PCDH15: variants seen among roughly 807,000 people sequenced by gnomAD.
The protein encoded by PCDH15 is protocadherin-15.
In PCDH15, 129 loss-of-function variants were observed where a neutral mutation model predicts 178.5. The observed-to-expected ratio is 0.72, with a 90% CI of 0.63 to 0.84. PCDH15 has a LOEUF of 0.84. PCDH15 is among the 40% of genes least tolerant of loss of function. PCDH15 has a pLI of 0.00. For missense variants in PCDH15, 2,230 were observed against 2,099.9 expected (o/e 1.06, Z -1.21); for synonymous variants, 800 against 732.0 (o/e 1.09, Z -1.50).
chr10:53,995,530 T>C, intron 21 of PCDH15, 119 bp downstream of exon 21: 1 of 1,571,558 alleles, frequency 6.4e-7, no homozygotes, highest in South Asian at 1.1e-5. Context: ...ATAAAATGTA[T>C]GAATAAATAG....
intron 2 of PCDH15, among the ~76,000 whole-genome samples, chr10:55,045,966 CAT>C (rs1390250810): frequency 1.1e-4 from 16 of 151,990 alleles, no homozygotes; most frequent in East Asian, 1.9e-4. Flanking sequence ...CTCATCAAAA[CAT>C]GTGTGAAACT....
At chr10:55,610,911 G>T (rs1243523146) in intron 2 of PCDH15, among the ~76,000 whole-genome samples, 2 of 152,006 alleles carry the variant, frequency 1.3e-5, no homozygotes, top group Non-Finnish European at 2.9e-5. Context: ...TAAAAAGAGT[G>T]AAATTATACC....
chr10:54,649,516 C>T (rs906012976), intron 2 of PCDH15, among the ~76,000 whole-genome samples: 6 of 151,888 alleles, frequency 4.0e-5, no homozygotes, highest in African/African-American at 1.5e-4. Flanking sequence ...ATTATCTATG[C>T]CTAAGCTGAA....
chr10:54,442,414 C>CTATATATATA (rs71007859), intron 3 of PCDH15, among the ~76,000 whole-genome samples: 11 of 19,164 alleles, frequency 5.7e-4, no homozygotes, highest in East Asian at 2.3e-3. Flanking sequence ...GCCTTAAAGG[C>CTATATATATA]TATATATATA....
intron 3 of PCDH15, among the ~76,000 whole-genome samples, chr10:54,515,360 T>G (rs2082104021): frequency 6.6e-6 from 1 of 152,178 alleles, no homozygotes; most frequent in Non-Finnish European, 1.5e-5. Flanking sequence ...CCTATGCCCA[T>G]GGAGTCTCGC....
chr10:55,195,372 G>T lies in PCDH15; in HGVS notation c.-155-28721C>A, dbSNP rs180988762. On this transcript the variant is annotated intron_variant, in intron 1 of 5. Transcript: ENST00000458638. ...AGAAATGTAGTAGAAGCCGGGCGCTGTGATTCACGCCTGTAATCCCATCAC... is the reference window on the plus strand; with the variant it reads ...AGAAATGTAGTAGAAGCCGGGCGCTTTGATTCACGCCTGTAATCCCATCAC... 2.1e-3 allele frequency among the ~76,000 whole-genome samples: 322 copies of T among 151,548 alleles called. 4 individuals carry two copies. Among genetic ancestry groups the T allele is most frequent in the African/African-American group, 7.1e-3 (295 of 41,282 alleles).
At chr10:53,886,456 C>T (rs762445253) in intron 26 of PCDH15, among the ~76,000 whole-genome samples, 5 of 152,106 alleles carry the variant, frequency 3.3e-5, no homozygotes, top group African/African-American at 4.8e-5. Flanking sequence ...TCACAGTCTT[C>T]CGATTTAGCA....
At chr10:54,005,741 C>G (rs115084006) in intron 20 of PCDH15, among the ~76,000 whole-genome samples, 198 of 152,086 alleles carry the variant, frequency 1.3e-3, no homozygotes, top group African/African-American at 3.8e-3. Context: ...CTATGGAGAA[C>G]AGTATGGAAG....
At chr10:54,430,422 A>G (rs1240682338) in intron 3 of PCDH15, among the ~76,000 whole-genome samples, 1 of 150,330 alleles carries the variant, frequency 6.7e-6, no homozygotes, top group Non-Finnish European at 1.5e-5. Flanking sequence ...AGATCACAAA[A>G]CAAGTCTTAA....
At chr10:55,573,249 A>G (rs1423494570) in intron 2 of PCDH15, among the ~76,000 whole-genome samples, 1 of 152,102 alleles carries the variant, frequency 6.6e-6, no homozygotes, top group Non-Finnish European at 1.5e-5. Context: ...AAATGTAATT[A>G]GATGTGAGGA....
chr10:55,390,112 C>T (rs1438660472), intron 2 of PCDH15, among the ~76,000 whole-genome samples: 1 of 151,996 alleles, frequency 6.6e-6, no homozygotes, highest in Non-Finnish European at 1.5e-5. Context: ...AAGCAAGTCA[C>T]ATGAGTTTTT....
At chr10:55,285,844 G>GT (rs1156600899) in intron 1 of PCDH15, among the ~76,000 whole-genome samples, 3 of 151,852 alleles carry the variant, frequency 2.0e-5, no homozygotes, top group Non-Finnish European at 2.9e-5. Flanking sequence ...CTATGACTCT[G>GT]TTTTTTATTC....
At chr10:54,779,985 G>T (rs1313209626) in intron 1 of PCDH15, among the ~76,000 whole-genome samples, 1 of 152,070 alleles carries the variant, frequency 6.6e-6, no homozygotes, top group Non-Finnish European at 1.5e-5. Flanking sequence ...AAGCATATAA[G>T]AAATATTTGC....
intron 13 of PCDH15, among the ~76,000 whole-genome samples, chr10:54,174,805 G>A (rs1040107052): frequency 5.2e-5 from 7 of 135,294 alleles, no homozygotes; most frequent in South Asian, 2.4e-4. Flanking sequence ...AGATTCTCCC[G>A]CTTCAGCCTC....
At chr10:55,381,659 T>C (rs1565079651) in intron 2 of PCDH15, among the ~76,000 whole-genome samples, 1 of 151,932 alleles carries the variant, frequency 6.6e-6, no homozygotes, top group Non-Finnish European at 1.5e-5. Context: ...GGGCAGATAC[T>C]CACCAAAATG....
At chr10:55,193,430 T>G (rs1839998202) in intron 1 of PCDH15, among the ~76,000 whole-genome samples, 1 of 151,988 alleles carries the variant, frequency 6.6e-6, no homozygotes. Context: ...TGCAATTATG[T>G]TAAAATTAAA....
At chr10:54,987,407 T>TA (rs1839399426) in intron 2 of PCDH15, among the ~76,000 whole-genome samples, 1 of 152,198 alleles carries the variant, frequency 6.6e-6, no homozygotes. Flanking sequence ...GGTCAAATGG[T>TA]ACTTCTGGTT....
chr10:54,122,476 C>T (rs1305870653), intron 15 of PCDH15, among the ~76,000 whole-genome samples: 1 of 151,898 alleles, frequency 6.6e-6, no homozygotes, highest in East Asian at 1.9e-4. Flanking sequence ...GATCTTGTCT[C>T]ACCACTCCTA....
intron 17 of PCDH15, among the ~76,000 whole-genome samples, chr10:54,078,505 T>C (rs12246290): frequency 0.1 from 15,226 of 152,022 alleles, 1,706 homozygotes; most frequent in African/African-American, 0.28. Flanking sequence ...GATATTTAAA[T>C]TGAGTGAGCC....
Sources: allele counts gnomAD v4.1 joint callset (sites outside exome capture counted in the v4.1 genomes callset), GRCh38; gene constraint gnomAD v4.1.1; transcripts MANE v1.5; gene names NCBI Gene and HGNC (gene_info 2026-07-23, HGNC 2026-07-21).